Variants in SH3KBP1 observed in about 807,000 individuals in gnomAD.
The protein encoded by SH3KBP1 is SH3 domain containing kinase binding protein 1.
In SH3KBP1, 8 loss-of-function variants were observed where a neutral mutation model predicts 50.1. That is an observed-to-expected ratio of 0.16 (90% CI 0.09 to 0.29). The LOEUF is 0.29. SH3KBP1 is among the 10% of genes least tolerant of loss of function. The probability of loss-of-function intolerance (pLI) is 1.00; values close to 1 mark genes in which losing one functional copy is unlikely to be tolerated. For missense variants in SH3KBP1, 377 were observed against 535.2 expected, an observed-to-expected ratio of 0.70 and a Z score of 2.92; for synonymous variants, 227 against 218.6, an observed-to-expected ratio of 1.04 and a Z score of -0.34.
intron 3 of SH3KBP1, among the ~76,000 whole-genome samples, chrX:19,716,279 C>T (rs1326788300): frequency 1.8e-5 from 2 of 112,050 alleles, no homozygotes; most frequent in African/African-American, 6.5e-5. Flanking sequence ...TAAAAGGACC[C>T]TGTGGGTGTT....
At chrX:19,864,691 A>C (rs1338467656) in intron 1 of SH3KBP1, among the ~76,000 whole-genome samples, 2 of 112,398 alleles carry the variant, frequency 1.8e-5, no homozygotes, top group African/African-American at 6.5e-5. Context: ...TGAGACCCAC[A>C]TCAAACTTCT....
chrX:19,622,165 A>C (rs2067858498), intron 8 of SH3KBP1, among the ~76,000 whole-genome samples: 1 of 112,443 alleles, frequency 8.9e-6, no homozygotes, highest in South Asian at 3.6e-4. Context: ...AAATATTTGT[A>C]ATATGAAGAT....
In SH3KBP1 at chrX:19,535,219, G is replaced by C; in HGVS notation, c.*1198C>G. On this transcript the variant is annotated 3_prime_UTR_variant, in exon 18 of 18. Transcript: ENST00000397821. ...GGCAAACATCAGTTTCCTTGGGAAA[G>C]AAAAAGCAACTCCATAAATGCAAGA... 24 of 213,895 alleles carry C rather than the reference G, an allele frequency of 1.1e-4. No individual in the cohort carries two copies. The highest frequency in any genetic ancestry group is 1.5e-3 in the Middle Eastern group (1 of 676). The allele number at this position is 213,895 out of a possible 1,213,427, so 17.6% of individuals were successfully genotyped here.
chrX:19,662,662 T>G (rs138324057), intron 6 of SH3KBP1, among the ~76,000 whole-genome samples: 17,990 of 110,816 alleles, frequency 0.16, 1,188 homozygotes, highest in African/African-American at 0.21. Flanking sequence ...AGGTTCCACT[T>G]TTTTTCTCTA....
Position 19,752,900 on chromosome X carries a change from T to A in SH3KBP1, c.163-6459A>T, listed in dbSNP as rs1233196797. On this transcript the variant is annotated intron_variant, in intron 2 of 17. Transcript: ENST00000397821. ...ACATCAATGGGGCAGGTGGTCGGAA[T>A]GTGCCAGATGCACCCTATGGAGTAG... is the stretch of plus-strand genomic sequence containing the variant. 3.6e-5 allele frequency among the ~76,000 whole-genome samples: 4 copies of A among 112,026 alleles called. No individual in the cohort carries two copies. In the Admixed American group the frequency reaches 3.8e-4, roughly 11 times the overall value.
intron 13 of SH3KBP1, among the ~76,000 whole-genome samples, chrX:19,565,048 C>G (rs2065796272): frequency 1.1e-5 from 1 of 91,692 alleles, no homozygotes; most frequent in African/African-American, 4.9e-5. Context: ...GGCTTCAACT[C>G]CAATTTTTTT....
intron 5 of SH3KBP1, chrX:19,687,569 A>G (rs773184953): frequency 1.9e-6 from 2 of 1,035,313 alleles, no homozygotes; most frequent in African/African-American, 3.7e-5. Flanking sequence ...AAACACAAGT[A>G]CCCAGATCTT....
At chrX:19,583,246 C>T (rs957914039) in intron 12 of SH3KBP1, among the ~76,000 whole-genome samples, 6 of 108,081 alleles carry the variant, frequency 5.6e-5, no homozygotes, top group South Asian at 4.1e-4. Context: ...CTCTGCCTCC[C>T]GGGTTCAAGC....
chrX:19,781,850 C>T (rs1487043050), intron 2 of SH3KBP1, among the ~76,000 whole-genome samples: 1 of 111,673 alleles, frequency 9.0e-6, no homozygotes, highest in African/African-American at 3.3e-5. Context: ...GGGTGAATTA[C>T]ATGATATTTA....
intron 2 of SH3KBP1, among the ~76,000 whole-genome samples, chrX:19,747,465 G>C (rs1285638916): frequency 9.0e-6 from 1 of 111,263 alleles, no homozygotes; most frequent in African/African-American, 3.3e-5. Context: ...TCAAAGATGA[G>C]GAATGCGCTC....
chrX:19,641,401 C>T (rs1380590546), intron 7 of SH3KBP1, among the ~76,000 whole-genome samples: 1 of 112,457 alleles, frequency 8.9e-6, no homozygotes, highest in African/African-American at 3.2e-5. Context: ...ATGTTCCTTA[C>T]CATTGTATTT....
chrX:19,559,860 T>C (rs914562638), intron 13 of SH3KBP1, among the ~76,000 whole-genome samples: 1 of 111,686 alleles, frequency 9.0e-6, no homozygotes, highest in East Asian at 2.8e-4. Context: ...GTCAGGGTTT[T>C]CTCTAGGATC....
intron 2 of SH3KBP1, among the ~76,000 whole-genome samples, chrX:19,752,633 G>C (rs1345154189): frequency 8.9e-6 from 1 of 111,814 alleles, no homozygotes; most frequent in East Asian, 2.8e-4. Flanking sequence ...ACGAGGTCTG[G>C]GTGGTGGTTA....
chrX:19,805,764 A>C (rs903445685), intron 2 of SH3KBP1, among the ~76,000 whole-genome samples: 11 of 111,195 alleles, frequency 9.9e-5, no homozygotes, highest in Non-Finnish European at 2.1e-4. Context: ...CCTGCCATTT[A>C]CAATCTGTGC....
intron 6 of SH3KBP1, among the ~76,000 whole-genome samples, chrX:19,653,563 T>C (rs892098193): frequency 1.8e-5 from 2 of 109,130 alleles, no homozygotes; most frequent in African/African-American, 6.7e-5. Context: ...ATACAAAAAT[T>C]AGCTGGGCGT....
chrX:19,569,006 G>T, intron 13 of SH3KBP1, 97 bp downstream of exon 13: 1 of 746,784 alleles, frequency 1.3e-6, no homozygotes, highest in Non-Finnish European at 2.1e-6. Flanking sequence ...CATTTCAATG[G>T]CTTTATTACT....
intron 1 of SH3KBP1, among the ~76,000 whole-genome samples, chrX:19,886,195 T>A (rs952189240): frequency 8.9e-6 from 1 of 112,370 alleles, no homozygotes. Context: ...TAACTTTGCC[T>A]GTCAACAACG....
chrX:19,546,135 A>AAGCAC lies in SH3KBP1; in HGVS notation c.1495-90_1495-86dup, dbSNP rs780154356. 14 of 1,047,574 alleles carry AAGCAC rather than the reference A, an allele frequency of 1.3e-5. No homozygotes were observed. In the South Asian group the frequency reaches 2.9e-4, roughly 22 times the overall value. 86.3% of individuals were successfully genotyped at this position (1,047,574 alleles called of 1,213,427 possible). ...GTTAATATAATGCTGTATGCTTTAA[A>AAGCAC]AGCACTCGACACTGCTATTTTGTCT... On this transcript the variant is annotated intron_variant, in intron 14 of 17. Transcript: ENST00000397821.
chrX:19,605,503 G>A (rs757645861), intron 9 of SH3KBP1, among the ~76,000 whole-genome samples: 1 of 111,571 alleles, frequency 9.0e-6, no homozygotes. Context: ...AGGTCTTGGC[G>A]CCCAAATGCT....
Sources: gnomAD v4.1 joint callset for allele counts (sites outside exome capture counted in the v4.1 genomes callset) on GRCh38, gnomAD v4.1.1 for gene constraint, MANE v1.5 for transcripts, NCBI Gene and HGNC (gene_info 2026-07-23, HGNC 2026-07-21) for gene names.